EHBP1: variants seen among roughly 807,000 people sequenced by gnomAD.
EHBP1 encodes EH domain-binding protein 1.
A neutral mutation model predicts 144.0 loss-of-function variants in EHBP1; 55 were observed. That is an observed-to-expected ratio of 0.38 (90% confidence interval 0.31 to 0.48). The LOEUF (loss-of-function observed/expected upper bound fraction) is 0.48, where lower values mean the gene tolerates loss of function less well. EHBP1 is among the 20% of genes least tolerant of loss of function. The pLI is 0.98. For missense variants in EHBP1, 1,200 were observed against 1,364.2 expected (o/e 0.88, Z 1.90); for synonymous variants, 469 against 472.7 (o/e 0.99, Z 0.10).
chr2:62,835,869 C>T (rs2047192774), intron 7 of EHBP1, among the ~76,000 whole-genome samples: 2 of 152,164 alleles, frequency 1.3e-5, no homozygotes, highest in Admixed American at 1.3e-4. Flanking sequence ...TGATTGCTAG[C>T]ACAGCAGTCT....
At chr2:62,870,745 A>G (rs1012343040) in intron 9 of EHBP1, among the ~76,000 whole-genome samples, 1 of 147,886 alleles carries the variant, frequency 6.8e-6, no homozygotes, top group African/African-American at 2.5e-5. Flanking sequence ...ATACATATAT[A>G]TATATGTATT....
At chr2:62,852,182 G>C (rs1470279514) in intron 7 of EHBP1, among the ~76,000 whole-genome samples, 1 of 151,972 alleles carries the variant, frequency 6.6e-6, no homozygotes, top group Non-Finnish European at 1.5e-5. Flanking sequence ...TTACTTTTAG[G>C]AACATAAGAT....
At chr2:62,778,772 ATCTCTT>A (rs550457610) in intron 5 of EHBP1, among the ~76,000 whole-genome samples, 46 of 152,268 alleles carry the variant, frequency 3.0e-4, no homozygotes, top group Admixed American at 2.4e-3. Flanking sequence ...AATGAAGTCA[ATCTCTT>A]GATCTCGCAA....
rs1021452390 is a variant in EHBP1 at position 62,794,482 on chromosome 2, T to G, written c.312+23090T>G. 1.9e-4 allele frequency among the ~76,000 whole-genome samples: 29 copies of G among 152,086 alleles called. 1 individual carries two copies. The highest frequency in any genetic ancestry group is 1.6e-3 in the Admixed American group (25 of 15,266). The stretch of plus-strand genomic sequence containing the variant: ...ACTTTTCTTCAAACTGAATATTGTT[T>G]TTAATCATTGTACATGTGAAAAGTA... On this transcript the variant is annotated intron_variant, in intron 5 of 22. Transcript: ENST00000431489.
intron 5 of EHBP1, among the ~76,000 whole-genome samples, chr2:62,801,685 C>G (rs910121813): frequency 2.0e-5 from 3 of 152,104 alleles, no homozygotes; most frequent in African/African-American, 7.2e-5. Context: ...AATTAAGTAG[C>G]ATAATTAAAC....
At chr2:62,765,296 ATTC>A (rs2041089116) in intron 4 of EHBP1, among the ~76,000 whole-genome samples, 1 of 152,124 alleles carries the variant, frequency 6.6e-6, no homozygotes, top group African/African-American at 2.4e-5. Flanking sequence ...CATTAAAATT[ATTC>A]TTTGGTAAAA....
intron 5 of EHBP1, among the ~76,000 whole-genome samples, chr2:62,794,206 G>A (rs1449995640): frequency 1.3e-5 from 2 of 151,888 alleles, no homozygotes. Context: ...CTGTGTTGGT[G>A]GACATGATTA....
intron 1 of EHBP1, among the ~76,000 whole-genome samples, chr2:62,694,227 G>A (rs1399696105): frequency 1.3e-5 from 2 of 152,080 alleles, no homozygotes; most frequent in African/African-American, 4.8e-5. Flanking sequence ...GGGCTAGATT[G>A]CCATTGAAGT....
intron 2 of EHBP1, among the ~76,000 whole-genome samples, chr2:62,721,787 G>A (rs990934532): frequency 6.6e-6 from 1 of 151,948 alleles, no homozygotes; most frequent in African/African-American, 2.4e-5. Context: ...ATATCAGTGT[G>A]TACTTAATGG....
chr2:62,765,646 C>T (rs1032525247), intron 4 of EHBP1, among the ~76,000 whole-genome samples: 1 of 152,104 alleles, frequency 6.6e-6, no homozygotes, highest in African/African-American at 2.4e-5. Flanking sequence ...AAGATAGTAC[C>T]TATCTCATAG....
intron 1 of EHBP1, among the ~76,000 whole-genome samples, chr2:62,697,063 A>C (rs2034125696): frequency 2.6e-5 from 4 of 152,184 alleles, no homozygotes; most frequent in Admixed American, 2.6e-4. Flanking sequence ...ACACTCTTGA[A>C]AGTTGCATGT....
At chr2:63,037,667 C>A in intron 20 of EHBP1, 33 bp downstream of exon 20, 1 of 1,299,864 alleles carries the variant, frequency 7.7e-7, no homozygotes, top group Non-Finnish European at 1.1e-6. Context: ...GTTTTGCCTA[C>A]AACATTGATA....
chr2:62,864,625 A>G (rs2049898589), intron 8 of EHBP1, 106 bp from the exon 9 acceptor site: 1 of 1,105,760 alleles, frequency 9.0e-7, no homozygotes, highest in Non-Finnish European at 1.3e-6. Context: ...TCTCAGCCCC[A>G]TAGAGCTTAT....
intron 2 of EHBP1, among the ~76,000 whole-genome samples, chr2:62,729,605 A>T (rs1226305543): frequency 3.0e-5 from 4 of 133,772 alleles, no homozygotes; most frequent in South Asian, 2.3e-4. Context: ...TATAATAATA[A>T]ATATAATAAT....
chr2:62,734,664 TA>T (rs2037939627), intron 2 of EHBP1, among the ~76,000 whole-genome samples: 1 of 152,224 alleles, frequency 6.6e-6, no homozygotes, highest in Non-Finnish European at 1.5e-5. Flanking sequence ...TTGGTGTAGT[TA>T]ATGTCTACCT....
chr2:62,848,728 A>G (rs545688465), intron 7 of EHBP1, among the ~76,000 whole-genome samples: 6 of 152,362 alleles, frequency 3.9e-5, no homozygotes, highest in South Asian at 2.1e-4. Flanking sequence ...AGGCAAAACT[A>G]TTTTAATAAA....
At chr2:63,001,128 T>A (rs1298079331) in intron 19 of EHBP1, among the ~76,000 whole-genome samples, 2 of 152,238 alleles carry the variant, frequency 1.3e-5, no homozygotes, top group Non-Finnish European at 2.9e-5. Flanking sequence ...TTTCTTTTAA[T>A]GGTTATCAAA....
chr2:62,779,071 T>A (rs1336117635), intron 5 of EHBP1, among the ~76,000 whole-genome samples: 1 of 152,192 alleles, frequency 6.6e-6, no homozygotes, highest in Non-Finnish European at 1.5e-5. Flanking sequence ...ATCGCAAACA[T>A]TAGCAGTACC....
intron 7 of EHBP1, among the ~76,000 whole-genome samples, chr2:62,839,186 T>C (rs1362589409): frequency 1.4e-4 from 21 of 151,712 alleles, no homozygotes; most frequent in African/African-American, 5.1e-4. Flanking sequence ...GCTGGTTCAA[T>C]ATACGCAAAT....
Sources: allele counts gnomAD v4.1 joint callset (sites outside exome capture counted in the v4.1 genomes callset), GRCh38; gene constraint gnomAD v4.1.1; transcripts MANE v1.5; gene names NCBI Gene and HGNC (gene_info 2026-07-23, HGNC 2026-07-21).